GOLT1A: variants seen among roughly 807,000 people sequenced by gnomAD.
GOLT1A encodes the protein golgi transport 1A.
GOLT1A carries 10 observed loss-of-function variants against 16.1 expected under a neutral mutation model. That is an observed-to-expected ratio of 0.62 (90% CI 0.38 to 1.05). The LOEUF (loss-of-function observed/expected upper bound fraction) is 1.05, where lower values mean the gene tolerates loss of function less well. Ranked by LOEUF, GOLT1A falls within the 50% of genes least tolerant of loss-of-function variation. The pLI is 0.01. For synonymous variants in GOLT1A, 60 were observed against 67.9 expected (o/e 0.88, Z 0.57); for missense variants, 137 against 165.7 (o/e 0.83, Z 0.95).
chr1:204,200,299 G>GTGTGTGTATATATATATATATA, intron 3 of GOLT1A, among the ~76,000 whole-genome samples: 11 of 82,680 alleles, frequency 1.3e-4, no homozygotes, highest in African/African-American at 5.0e-4. Context: ...ACATATATGT[G>GTGTGTGTATATATATATATATA]TATATATATA....
chr1:204,205,487 A>G lies in GOLT1A; in HGVS notation c.26-2500T>C, dbSNP rs76073835. Among the ~76,000 whole-genome samples, 746 of 152,320 alleles carry G rather than the reference A, an allele frequency of 4.9e-3. 3 individuals are homozygous for G. The highest frequency in any genetic ancestry group is 7.8e-3 in the Admixed American group (120 of 15,294). On this transcript the variant is annotated intron_variant, in intron 1 of 4. Coordinates refer to ENST00000308302, the MANE Select transcript of GOLT1A (RefSeq NM_198447.2). ...ACTGGACTTGTTAGAATCAGTTCTC[A>G]TAACCTCTATGAAATTGGTATTATT...
chr1:204,198,963 A>C (rs1296390247), intron 4 of GOLT1A: 3 of 562,992 alleles, frequency 5.3e-6, no homozygotes, highest in Non-Finnish European at 9.6e-6. Context: ...CTGCCTCTAC[A>C]GCCACACTCA....
intron 1 of GOLT1A, among the ~76,000 whole-genome samples, chr1:204,208,218 A>G (rs1571677208): frequency 6.6e-6 from 1 of 152,036 alleles, no homozygotes; most frequent in African/African-American, 2.4e-5. Flanking sequence ...GCCTGTTTCT[A>G]GCAGCACAGT....
intron 3 of GOLT1A, 77 bp from the exon 4 acceptor site, chr1:204,199,335 C>A: frequency 8.5e-7 from 1 of 1,175,656 alleles, no homozygotes; most frequent in Non-Finnish European, 1.2e-6. Flanking sequence ...CTGAGGTCCA[C>A]TGAAAGGTTC....
At position 204,213,954 on chromosome 1, in the gene GOLT1A, G is replaced by A. The variant is rs763285785; in HGVS notation, c.-48C>T. On this transcript the variant is annotated 5_prime_UTR_variant, in exon 1 of 5. Coordinates refer to ENST00000308302, the MANE Select transcript of GOLT1A (RefSeq NM_198447.2). ...TTCCGGGTGGAAGCGGGCAAGTGGA[G>A]CGTGGCCCAGAGGACGCAGCTGGTA... is the stretch of plus-strand genomic sequence containing the variant. 1.0e-5 allele frequency: 16 copies of A among 1,603,976 alleles called. No individual in the cohort carries two copies. In the East Asian group the frequency reaches 2.2e-4, roughly 23 times the overall value.
At chr1:204,198,897 T>C in intron 4 of GOLT1A, 1 of 501,186 alleles carries the variant, frequency 2.0e-6, no homozygotes, top group South Asian at 2.7e-5. Context: ...CTGAGTCACC[T>C]AGAGTCTCTG....
rs1659178659 is a variant in GOLT1A at position 204,213,960 on chromosome 1, C to G, written c.-54G>C. The G allele has an allele frequency of 2.5e-6, 4 of 1,596,474 alleles. No homozygotes were observed. The highest frequency in any genetic ancestry group is 3.4e-6 in the Non-Finnish European group (4 of 1,169,854). On this transcript the variant is annotated 5_prime_UTR_variant, in exon 1 of 5. Transcript: ENST00000308302. The stretch of plus-strand genomic sequence containing the variant: ...GTGGAAGCGGGCAAGTGGAGCGTGG[C>G]CCAGAGGACGCAGCTGGTACATGGT...
intron 3 of GOLT1A, among the ~76,000 whole-genome samples, chr1:204,199,536 G>A (rs1302162890): frequency 1.3e-5 from 2 of 152,154 alleles, no homozygotes; most frequent in Admixed American, 1.3e-4. Context: ...TCAATTTCCA[G>A]CCATAAAATG....
At chr1:204,204,953 T>C (rs1659017328) in intron 1 of GOLT1A, among the ~76,000 whole-genome samples, 1 of 152,264 alleles carries the variant, frequency 6.6e-6, no homozygotes, top group Non-Finnish European at 1.5e-5. Context: ...TTGTTAGCTA[T>C]GTGTATATCT....
At chr1:204,199,959 G>A (rs544148174) in intron 3 of GOLT1A, among the ~76,000 whole-genome samples, 71 of 152,224 alleles carry the variant, frequency 4.7e-4, no homozygotes, top group African/African-American at 1.6e-3. Context: ...CTTCCTTACC[G>A]TGGGCCTCAA....
At chr1:204,201,520 G>A (rs974194576) in intron 3 of GOLT1A, 113 bp downstream of exon 3, 1 of 1,099,526 alleles carries the variant, frequency 9.1e-7, no homozygotes, top group African/African-American at 1.6e-5. Flanking sequence ...AGGTGTCCAT[G>A]GTTCTCATCT....
In GOLT1A at chr1:204,201,713, C is replaced by G. The variant is rs1452712394; in HGVS notation, c.216G>C (p.Leu72=). Residue 72 remains leucine (L), a synonymous_variant, in exon 3 of 5, where the codon CTG becomes CTC. Transcript: ENST00000308302. ...GTAGGAGCACGATAACCACACCCCC[C>G]AGGAGGAAGCTGGTTCCCTTGAGTT... is the stretch of plus-strand genomic sequence containing the variant. ...RHKLKGTSFL[L]GGVVIVLLRW... 1 of 1,614,056 alleles carries G rather than the reference C, an allele frequency of 6.2e-7. No individual in the cohort carries two copies. Among genetic ancestry groups the G allele is most frequent in the Non-Finnish European group, 8.5e-7 (1 of 1,180,030 alleles).
chr1:204,205,686 A>T (rs1052612819), intron 1 of GOLT1A, among the ~76,000 whole-genome samples: 2 of 152,238 alleles, frequency 1.3e-5, no homozygotes, highest in South Asian at 2.1e-4. Context: ...TTAATCCATC[A>T]TCTGTTGCTA....
chr1:204,199,093 G>C, intron 4 of GOLT1A, 102 bp downstream of exon 4: 1 of 996,424 alleles, frequency 1.0e-6, no homozygotes, highest in South Asian at 1.4e-5. Context: ...AGACAGGGGA[G>C]AGGCCACTGC....
chr1:204,210,234 C>G (rs1659118259), intron 1 of GOLT1A, among the ~76,000 whole-genome samples: 1 of 152,152 alleles, frequency 6.6e-6, no homozygotes, highest in African/African-American at 2.4e-5. Flanking sequence ...GTTGAAACAG[C>G]CTTTCTCTTG....
At chr1:204,203,779 A>G (rs1658998483) in intron 1 of GOLT1A, among the ~76,000 whole-genome samples, 1 of 151,004 alleles carries the variant, frequency 6.6e-6, no homozygotes, top group Non-Finnish European at 1.5e-5. Flanking sequence ...CCACACTGAC[A>G]ATGAGCCCCC....
Position 204,198,908 on chromosome 1 carries a change from C to G in GOLT1A, c.360+287G>C, listed in dbSNP as rs536677981. 182 of 504,844 alleles carry G rather than the reference C, an allele frequency of 3.6e-4. 1 individual carries two copies. Among genetic ancestry groups the G allele is most frequent in the Non-Finnish European group, 5.9e-4 (165 of 281,338 alleles). 31.3% of individuals were successfully genotyped at this position (504,844 alleles called of 1,614,324 possible). ...CTGGCTGAGTCACCTAGAGTCTCTG[C>G]GTCTTCATTTCTTTGGCTGTAAACA... On this transcript the variant is annotated intron_variant, in intron 4 of 4. Transcript: ENST00000308302.
Position 204,207,098 on chromosome 1 carries a change from T to A in GOLT1A, c.26-4111A>T, listed in dbSNP as rs936079863. Among the ~76,000 whole-genome samples the A allele has an allele frequency of 2.4e-4, 36 of 152,304 alleles. 2 individuals are homozygous for A. The South Asian group carries it at 7.5e-3, about 32-fold the overall frequency. ...CTTGCTTCTGGAGTAGCTTAGCTAT[T>A]TTAGTCAAGTTATCCAGCCAGAGGT... is the stretch of plus-strand genomic sequence containing the variant. On this transcript the variant is annotated intron_variant, in intron 1 of 4. Coordinates refer to ENST00000308302, the MANE Select transcript of GOLT1A (RefSeq NM_198447.2).
chr1:204,204,989 C>T (rs554602262), intron 1 of GOLT1A, among the ~76,000 whole-genome samples: 14 of 152,156 alleles, frequency 9.2e-5, no homozygotes, highest in African/African-American at 3.1e-4. Flanking sequence ...CTAGTTAAGT[C>T]CTTTGCCTAT....
Sources: gnomAD v4.1 joint callset for allele counts (sites outside exome capture counted in the v4.1 genomes callset) on GRCh38, gnomAD v4.1.1 for gene constraint, MANE v1.5 for transcripts, NCBI Gene and HGNC (gene_info 2026-07-23, HGNC 2026-07-21) for gene names.